HAUS6: variants seen among roughly 807,000 people sequenced by gnomAD.
HAUS6 encodes HAUS augmin like complex subunit 6.
Under a neutral mutation model 106.8 loss-of-function variants are expected in HAUS6, and 80 were observed. That is an observed-to-expected ratio of 0.75 (90% confidence interval 0.63 to 0.90). HAUS6 has a LOEUF of 0.90. Ranked by LOEUF, HAUS6 falls within the 40% of genes least tolerant of loss-of-function variation. HAUS6 has a pLI of 0.00. For missense variants in HAUS6, 1,155 were observed against 1,118.1 expected, an observed-to-expected ratio of 1.03 and a Z score of -0.47; for synonymous variants, 356 against 379.1, an observed-to-expected ratio of 0.94 and a Z score of 0.71.
chr9:19,093,894 T>C (rs925629202), intron 3 of HAUS6, among the ~76,000 whole-genome samples: 1 of 151,992 alleles, frequency 6.6e-6, no homozygotes. Context: ...TAAAATAAAA[T>C]AAAGAATTTG....
intron 3 of HAUS6, 66 bp from the exon 4 acceptor site, chr9:19,093,369 A>C (rs544368885): frequency 1.4e-4 from 186 of 1,362,248 alleles, no homozygotes; most frequent in Non-Finnish European, 1.8e-4. Context: ...TTTACATCAC[A>C]CTATTTTTGT....
rs1483114308 is a variant in HAUS6, at chr9:19,080,635, T to C, written c.908A>G (p.Asn303Ser). 6.2e-7 allele frequency: 1 copy of C among 1,608,712 alleles called. No individual in the cohort carries two copies. The change falls in exon 9 of 17, where the codon AAC becomes AGC. Residue 303 changes from asparagine to serine, a missense_variant. Physicochemically the swap from Asn to Ser is conservative, Grantham distance 46 (BLOSUM62 1). Around this residue, in one of 3 missense-constraint regions of HAUS6, gnomAD observed 761 missense variants for 690.0 expected, o/e 1.10. Transcript: ENST00000380502. Reference protein sequence around the residue: ...IGNVYEAGKLNLLTVIQLLNE... With the variant: ...IGNVYEAGKLSLLTVIQLLNE... ...TAATAACTGAATAACTGTTAAGAGG[T>C]TCAGTTTTCCAGCCTCATAAACATT...
intron 11 of HAUS6, among the ~76,000 whole-genome samples, chr9:19,071,845 C>T (rs1180862373): frequency 6.6e-6 from 1 of 152,032 alleles, no homozygotes; most frequent in Non-Finnish European, 1.5e-5. Context: ...GCTGGGATTA[C>T]AGGCGTGAGC....
chr9:19,099,098 A>T (rs1817927998), intron 1 of HAUS6, among the ~76,000 whole-genome samples: 1 of 151,432 alleles, frequency 6.6e-6, no homozygotes, highest in Non-Finnish European at 1.5e-5. Context: ...TAAACTGCAA[A>T]CCAAAGAGAA....
chr9:19,082,849 G>A, intron 8 of HAUS6, 24 bp downstream of exon 8: 1 of 1,307,114 alleles, frequency 7.7e-7, no homozygotes, highest in Non-Finnish European at 1.0e-6. Flanking sequence ...TTTCTCAAAA[G>A]CTTCCTTAAT....
At chr9:19,095,504 CAAA>C (rs35289506) in intron 2 of HAUS6, among the ~76,000 whole-genome samples, 1 of 136,582 alleles carries the variant, frequency 7.3e-6, no homozygotes. Flanking sequence ...TGATAATCAG[CAAA>C]AAAAAAAAAA....
intron 2 of HAUS6, among the ~76,000 whole-genome samples, chr9:19,096,016 T>A (rs1308042266): frequency 6.6e-6 from 1 of 152,156 alleles, no homozygotes; most frequent in Non-Finnish European, 1.5e-5. Context: ...CAAAAAAAAT[T>A]GGGCAAAATC....
chr9:19,086,905 A>C (rs1837309252), intron 6 of HAUS6, 123 bp from the exon 7 acceptor site: 1 of 626,562 alleles, frequency 1.6e-6, no homozygotes, highest in Non-Finnish European at 2.8e-6. Context: ...ATAAAATTTA[A>C]TCTGAAAGCG....
rs370339262 is a variant in HAUS6 at position 19,053,680 on chromosome 9, A to C, written c.*2663T>G. 5.3e-5 allele frequency: 8 copies of C among 152,316 alleles called. No homozygotes were observed. Among genetic ancestry groups the C allele is most frequent in the African/African-American group, 1.7e-4 (7 of 41,590 alleles). The allele number at this position is 152,316 out of a possible 1,614,324, so 9.4% of individuals were successfully genotyped here. ...AGTTTATATACCTTTGTATCTTACA[A>C]ATAGTAAAACAAAGTACATTCTATA... On this transcript the variant is annotated 3_prime_UTR_variant, in exon 17 of 17. Coordinates refer to ENST00000380502, the MANE Select transcript of HAUS6 (RefSeq NM_017645.5).
chr9:19,073,221 C>CA (rs904099893), intron 11 of HAUS6, among the ~76,000 whole-genome samples: 5 of 151,262 alleles, frequency 3.3e-5, no homozygotes, highest in African/African-American at 1.2e-4. Flanking sequence ...AAACCTTTGC[C>CA]AAAAAAAGGT....
intron 1 of HAUS6, among the ~76,000 whole-genome samples, chr9:19,101,707 C>G (rs201845687): frequency 6.6e-6 from 1 of 152,068 alleles, no homozygotes; most frequent in African/African-American, 2.4e-5. Flanking sequence ...GGATCATGAG[C>G]TCAGGAGATC....
At chr9:19,079,710 C>T (rs1837095105) in intron 9 of HAUS6, among the ~76,000 whole-genome samples, 1 of 152,002 alleles carries the variant, frequency 6.6e-6, no homozygotes, top group African/African-American at 2.4e-5. Context: ...CAAGACCAGC[C>T]TGGCCAACAT....
chr9:19,080,804 A>C, intron 8 of HAUS6, 132 bp from the exon 9 acceptor site: 2 of 602,984 alleles, frequency 3.3e-6, no homozygotes, highest in Non-Finnish European at 2.9e-6. Flanking sequence ...GCAACGGCTC[A>C]CACCTGTAAT....
chr9:19,087,727 C>T (rs749917031), intron 5 of HAUS6, among the ~76,000 whole-genome samples: 4 of 151,558 alleles, frequency 2.6e-5, no homozygotes, highest in Non-Finnish European at 4.4e-5. Context: ...TGGTAGAACA[C>T]GCCTGTACTC....
At chr9:19,066,581 AC>A (rs201901061) in intron 12 of HAUS6, among the ~76,000 whole-genome samples, 5,276 of 151,946 alleles carry the variant, frequency 0.035, 112 homozygotes, top group Non-Finnish European at 0.051. Context: ...ACTCCCCCCC[AC>A]ACACACAAAC....
chr9:19,069,645 G>A (rs932765551), intron 12 of HAUS6, among the ~76,000 whole-genome samples: 1 of 152,008 alleles, frequency 6.6e-6, no homozygotes, highest in African/African-American at 2.4e-5. Context: ...GTTGCAGTGA[G>A]CCAAAATCGT....
In HAUS6 at chr9:19,058,014, T is replaced by C. The variant is rs746985070; in HGVS notation, c.2753A>G (p.Gln918Arg). The change falls in exon 16 of 17, where the codon CAA (glutamine) becomes CGA (arginine). Residue 918 changes from glutamine (Q) to arginine (R), a missense_variant. Transcript: ENST00000380502. ...ACATGCTATTGTGGTTCTCAATCTTTGTTCCACTGGAGAAAACTTAATTAG... is the reference window on the plus strand; with the variant it reads ...ACATGCTATTGTGGTTCTCAATCTTCGTTCCACTGGAGAAAACTTAATTAG... ...SPLIKFSPVEQRLRTTIACSL... is the reference protein window; with the variant it reads ...SPLIKFSPVERRLRTTIACSL... 1.2e-6 allele frequency: 2 copies of C among 1,612,392 alleles called. No individual in the cohort carries two copies.
rs781567439 is a variant in HAUS6, at chr9:19,060,216, C to G, written c.1637G>C (p.Arg546Thr). 1 of 1,545,968 alleles carries G rather than the reference C, an allele frequency of 6.5e-7. No individual in the cohort carries two copies. The highest frequency in any genetic ancestry group is 2.2e-5 in the Admixed American group (1 of 45,076). The change falls in exon 15 of 17, where the codon AGA (arginine) becomes ACA (threonine). Residue 546 changes from arginine (R) to threonine (T), a missense_variant. By Grantham distance (71) the Arg-to-Thr change is moderately conservative. This residue lies in a region of HAUS6 where 761 missense variants were observed against 690.0 expected (regional missense o/e 1.10). Coordinates refer to ENST00000380502, the MANE Select transcript of HAUS6 (RefSeq NM_017645.5). The stretch of plus-strand genomic sequence containing the variant: ...CTGTGGTGAATCAGATAAAACTGCT[C>G]TGGCAACCTAAAACAGAAAAGAAAA... ...EQDHLVEEVA[R>T]AVLSDSPQLS... is the part of the protein sequence containing the mutation.
intron 10 of HAUS6, 60 bp downstream of exon 10, chr9:19,078,116 C>G: frequency 4.1e-6 from 5 of 1,213,148 alleles, no homozygotes; most frequent in Non-Finnish European, 5.8e-6. Flanking sequence ...AAGACACTGT[C>G]TCAAAAAAAA....
Sources: gnomAD v4.1 joint callset for allele counts (sites outside exome capture counted in the v4.1 genomes callset) on GRCh38, gnomAD v4.1.1 for gene constraint, gnomAD v4.1.1 regional missense constraint, MANE v1.5 for transcripts, NCBI Gene and HGNC (gene_info 2026-07-23, HGNC 2026-07-21) for gene names.